OTUD7A: variants seen among roughly 807,000 people sequenced by gnomAD.
The protein encoded by OTUD7A is OTU deubiquitinase 7A.
OTUD7A carries 12 observed loss-of-function variants against 65.7 expected under a neutral mutation model. The observed-to-expected ratio is 0.18, with a 90% CI of 0.12 to 0.30. The LOEUF (loss-of-function observed/expected upper bound fraction) is 0.30. Ranked by LOEUF, OTUD7A falls within the 10% of genes least tolerant of loss-of-function variation. The pLI is 1.00. For synonymous variants in OTUD7A, 641 were observed against 586.3 expected (o/e 1.09, Z -1.35); for missense variants, 1,148 against 1,304.8 (o/e 0.88, Z 1.85).
At chr15:31,567,505 G>GC (rs1368327137) in intron 4 of OTUD7A, among the ~76,000 whole-genome samples, 1 of 137,674 alleles carries the variant, frequency 7.3e-6, no homozygotes, top group Non-Finnish European at 1.5e-5. Context: ...AAAATTTGCA[G>GC]CCTAGCCATG....
At position 31,484,400 on chromosome 15, in the gene OTUD7A, G is replaced by T. The variant is rs1488571785; in HGVS notation, c.1696C>A (p.Arg566=). The T allele has an allele frequency of 6.2e-7, 1 of 1,601,248 alleles. No individual in the cohort carries two copies. Among genetic ancestry groups the T allele is most frequent in the East Asian group, 2.2e-5 (1 of 44,816 alleles). Residue 566 remains arginine (R), a synonymous_variant, in exon 13 of 13, where the codon CGG becomes AGG. Transcript: ENST00000307050. This position sits in a 1 kb window ranked among gnomAD's most constrained non-coding sequence, Gnocchi z 4.5. ...ANGKNGDSAE[R]GKEKKAKSRK... ...GACTTGGCCTTCTTCTCCTTGCCCC[G>T]CTCGGCCGAGTCCCCGTTCTTGCCA... is the stretch of plus-strand genomic sequence containing the variant.
chr15:31,493,459 T>C (rs2041345435), intron 10 of OTUD7A, among the ~76,000 whole-genome samples: 1 of 152,234 alleles, frequency 6.6e-6, no homozygotes, highest in South Asian at 2.1e-4. Flanking sequence ...TTTTGCTCAG[T>C]AACTGACAGA....
At chr15:31,503,556 C>T (rs1595561555) in intron 9 of OTUD7A, 135 bp downstream of exon 9, 16 of 1,208,648 alleles carry the variant, frequency 1.3e-5, no homozygotes, top group Middle Eastern at 2.0e-4. Flanking sequence ...GAAAGAAACA[C>T]GTCGAGGAGA....
chr15:31,488,220 T>A (rs1340290402), intron 10 of OTUD7A, among the ~76,000 whole-genome samples: 1 of 152,140 alleles, frequency 6.6e-6, no homozygotes, highest in African/African-American at 2.4e-5. Context: ...GGGGGTCCTT[T>A]TGAGGAGGTC....
At chr15:31,794,452 A>C (rs571998705) in intron 1 of OTUD7A, among the ~76,000 whole-genome samples, 8 of 149,958 alleles carry the variant, frequency 5.3e-5, no homozygotes, top group African/African-American at 1.7e-4. Context: ...ATTCAAATAT[A>C]AATTTGTCAC....
intron 1 of OTUD7A, among the ~76,000 whole-genome samples, chr15:31,696,142 T>C (rs1183451535): frequency 6.8e-6 from 1 of 147,620 alleles, no homozygotes; most frequent in Admixed American, 6.7e-5. Context: ...GGGCACAGGG[T>C]TGAGGGGGGC....
chr15:31,780,287 G>A (rs1052670135), intron 1 of OTUD7A, among the ~76,000 whole-genome samples: 1 of 151,570 alleles, frequency 6.6e-6, no homozygotes, highest in Admixed American at 6.6e-5. Context: ...TTATTTACAT[G>A]TATATATGCA....
chr15:31,524,108 T>C (rs1178948947), intron 8 of OTUD7A, among the ~76,000 whole-genome samples: 1 of 152,174 alleles, frequency 6.6e-6, no homozygotes, highest in African/African-American at 2.4e-5. Context: ...TAGATTCCTA[T>C]TGCATATGCT....
intron 1 of OTUD7A, among the ~76,000 whole-genome samples, chr15:31,660,259 T>G (rs1352358553): frequency 6.6e-6 from 1 of 152,188 alleles, no homozygotes; most frequent in African/African-American, 2.4e-5. Flanking sequence ...TGGGCTCCCG[T>G]GGTGAAATGA....
chr15:31,811,193 A>G (rs1403605049), intron 1 of OTUD7A, among the ~76,000 whole-genome samples: 1 of 152,184 alleles, frequency 6.6e-6, no homozygotes, highest in Non-Finnish European at 1.5e-5. Context: ...ACTTCTAGCT[A>G]GGGAGAGACA....
At chr15:31,587,942 T>C (rs1306346854) in intron 3 of OTUD7A, among the ~76,000 whole-genome samples, 2 of 152,002 alleles carry the variant, frequency 1.3e-5, no homozygotes, top group Non-Finnish European at 2.9e-5. Flanking sequence ...TCCTGAGCTA[T>C]CACCTCATCA....
At chr15:31,718,975 G>C (rs1400956180) in intron 1 of OTUD7A, among the ~76,000 whole-genome samples, 1 of 151,322 alleles carries the variant, frequency 6.6e-6, no homozygotes, top group Non-Finnish European at 1.5e-5. Flanking sequence ...CTATTAGATA[G>C]AGTCTCATCA....
chr15:31,593,098 T>C (rs1889798837), intron 3 of OTUD7A, among the ~76,000 whole-genome samples: 2 of 151,676 alleles, frequency 1.3e-5, no homozygotes, highest in African/African-American at 4.8e-5. Context: ...GCTAGACTTT[T>C]ATACAAATGG....
Position 31,483,237 on chromosome 15 carries a change from C to A in OTUD7A, c.*57G>T. 1 of 1,057,468 alleles carries A rather than the reference C, an allele frequency of 9.5e-7. No homozygotes were observed. The highest frequency in any genetic ancestry group is 1.1e-6 in the Non-Finnish European group (1 of 877,844). The allele number at this position is 1,057,468 out of a possible 1,614,324, so 65.5% of individuals were successfully genotyped here. On this transcript the variant is annotated 3_prime_UTR_variant, in exon 13 of 13. Transcript: ENST00000307050. The stretch of plus-strand genomic sequence containing the variant: ...AGGGCATGTAAAAAAGACACCGACA[C>A]AATGGAAAAGAAATCCTCGAAGGTA...
chr15:31,592,683 A>G (rs927894146), intron 3 of OTUD7A, among the ~76,000 whole-genome samples: 2 of 151,604 alleles, frequency 1.3e-5, no homozygotes, highest in Admixed American at 6.6e-5. Context: ...GATCGAGAAC[A>G]TCCTGGCTAA....
In OTUD7A at chr15:31,570,166, G is replaced by A. The variant is rs778753062; in HGVS notation, c.183C>T (p.Ser61=). The change falls in exon 4 of 13, where the codon AGC becomes AGT. Residue 61 remains serine, a synonymous_variant. Coordinates refer to ENST00000307050, the MANE Select transcript of OTUD7A (RefSeq NM_001382637.1). Reference sequence around the variant, plus strand: ...GCACCTGGCGGAGCTGCTCATAGTCGCTCAGAGCGGCTGTCAGGTCCCAGT... The same window carrying A: ...GCACCTGGCGGAGCTGCTCATAGTCACTCAGAGCGGCTGTCAGGTCCCAGT... ...GKNWDLTAAL[S]DYEQLRQVHT... 22 of 1,614,028 alleles carry A rather than the reference G, an allele frequency of 1.4e-5. No homozygotes were observed. The highest frequency in any genetic ancestry group is 2.7e-5 in the African/African-American group (2 of 74,898).
At chr15:31,521,079 C>T (rs994811932) in intron 8 of OTUD7A, among the ~76,000 whole-genome samples, 4 of 152,096 alleles carry the variant, frequency 2.6e-5, no homozygotes, top group Admixed American at 6.5e-5. Context: ...CTAAACAACG[C>T]GTACATATGG....
intron 1 of OTUD7A, among the ~76,000 whole-genome samples, chr15:31,667,058 A>G (rs1892340290): frequency 6.6e-6 from 1 of 152,160 alleles, no homozygotes; most frequent in African/African-American, 2.4e-5. Flanking sequence ...CATATGGTCT[A>G]CCTTGGAGAA....
At chr15:31,540,702 C>T (rs192489360) in intron 5 of OTUD7A, among the ~76,000 whole-genome samples, 218 of 152,194 alleles carry the variant, frequency 1.4e-3, no homozygotes, top group Middle Eastern at 3.4e-3. Context: ...GTCCAAAATC[C>T]TGAGTTAAAT....
Sources: gnomAD v4.1 joint callset for allele counts (sites outside exome capture counted in the v4.1 genomes callset) on GRCh38, gnomAD v4.1.1 for gene constraint, Gnocchi (gnomAD v3.1) non-coding constraint, MANE v1.5 for transcripts, NCBI Gene and HGNC (gene_info 2026-07-23, HGNC 2026-07-21) for gene names.